The following TRIM54 variants were observed in gnomAD, a reference collection of about 807,000 sequenced individuals.
TRIM54 encodes tripartite motif containing 54, also known as tripartite motif-containing protein 54.
In TRIM54, 40 loss-of-function variants were observed where a neutral mutation model predicts 42.0. The observed-to-expected ratio is 0.95, with a 90% CI of 0.74 to 1.24. The LOEUF is 1.24. TRIM54 is among the 50% of genes most tolerant of loss of function. The probability of loss-of-function intolerance (pLI) is 0.00; values close to 1 mark genes in which losing one functional copy is unlikely to be tolerated. For synonymous variants in TRIM54, 199 were observed against 194.9 expected (o/e 1.02, Z -0.17); for missense variants, 485 against 480.3 (o/e 1.01, Z -0.09).
intron 1 of TRIM54, among the ~76,000 whole-genome samples, chr2:27,287,856 A>G (rs1409245112): frequency 1.3e-5 from 2 of 152,144 alleles, no homozygotes; most frequent in Non-Finnish European, 2.9e-5. Context: ...ATCTCTTGCA[A>G]TTCTAACGAT....
Position 27,298,628 on chromosome 2 carries a change from G to A in TRIM54, c.230G>A (p.Arg77His), listed in dbSNP as rs756247733. ...ACTGTGTCTTCAGGAGGCCGTTTCC[G>A]CTGCCCATCGTGCAGGCATGAGGTT... ...STTVSSGGRFRCPSCRHEVVL... is the reference protein window; with the variant it reads ...STTVSSGGRFHCPSCRHEVVL... Residue 77 changes from arginine to histidine, a missense_variant, in exon 2 of 9, where the codon CGC becomes CAC. Arg to His is a conservative substitution (Grantham distance 29, BLOSUM62 0). Transcript: ENST00000380075. The A allele has an allele frequency of 3.7e-6, 6 of 1,614,120 alleles. No individual in the cohort carries two copies. Among genetic ancestry groups the A allele is most frequent in the South Asian group, 2.2e-5 (2 of 91,076 alleles).
Position 27,305,761 on chromosome 2 carries a change from C to G in TRIM54, c.787C>G (p.Leu263Val). 1 of 1,611,392 alleles carries G rather than the reference C, an allele frequency of 6.2e-7. No homozygotes were observed. Among genetic ancestry groups the G allele is most frequent in the Non-Finnish European group, 8.5e-7 (1 of 1,178,850 alleles). ...CGACCACCTGGAGGCCTCCTCTAAG[C>G]TGGTGGAGTCTGCCATCCAGTCCAT... is the stretch of plus-strand genomic sequence containing the variant. ...YGDHLEASSKLVESAIQSMEE... is the reference protein window; with the variant it reads ...YGDHLEASSKVVESAIQSMEE... The change falls in exon 5 of 9, where the codon CTG becomes GTG. Residue 263 changes from leucine (L) to valine (V), a missense_variant. Coordinates refer to ENST00000380075, the MANE Select transcript of TRIM54 (RefSeq NM_187841.3).
chr2:27,292,056 C>G (rs955847030), intron 1 of TRIM54, among the ~76,000 whole-genome samples: 1 of 152,174 alleles, frequency 6.6e-6, no homozygotes, highest in Non-Finnish European at 1.5e-5. Flanking sequence ...GTTGGACTGC[C>G]TGAGTACTGA....
intron 1 of TRIM54, among the ~76,000 whole-genome samples, chr2:27,287,183 A>G (rs991356536): frequency 1.3e-5 from 2 of 152,168 alleles, no homozygotes; most frequent in Non-Finnish European, 2.9e-5. Flanking sequence ...TTACATAACT[A>G]TAAATGAAAA....
chr2:27,292,965 A>G (rs533575479), intron 1 of TRIM54, among the ~76,000 whole-genome samples: 1 of 152,048 alleles, frequency 6.6e-6, no homozygotes, highest in South Asian at 2.1e-4. Context: ...TTCTGTGTTG[A>G]TATTTACTTG....
At chr2:27,303,119 AG>A (rs1340392036) in intron 3 of TRIM54, among the ~76,000 whole-genome samples, 1 of 152,132 alleles carries the variant, frequency 6.6e-6, no homozygotes, top group Non-Finnish European at 1.5e-5. Context: ...CGAAGAGAAA[AG>A]GCGGAGCTGA....
chr2:27,282,556 G>T lies in TRIM54; in HGVS notation c.-176G>T. The T allele has an allele frequency of 1.6e-6, 1 of 607,762 alleles. No individual in the cohort carries two copies. Among genetic ancestry groups the T allele is most frequent in the Non-Finnish European group, 2.7e-6 (1 of 364,304 alleles). 37.6% of individuals were successfully genotyped at this position (607,762 alleles called of 1,614,324 possible). On this transcript the variant is annotated 5_prime_UTR_variant, in exon 1 of 9. Transcript: ENST00000380075. ...GGGTGCAGAGCAGAAAGTAGAGACT[G>T]TCCGAAGACTGCTATCTGGGACGAG...
chr2:27,298,513 C>A, intron 1 of TRIM54, 54 bp from the exon 2 acceptor site: 3 of 1,496,128 alleles, frequency 2.0e-6, no homozygotes, highest in South Asian at 2.3e-5. Context: ...CTGCCTCCTC[C>A]GAGTCCCTTC....
rs575083822 is a variant in TRIM54, at chr2:27,283,872, C to A, written c.168+973C>A. The stretch of plus-strand genomic sequence containing the variant: ...GAATATGGCCAGGTGCAGTGGCTCA[C>A]GCCTGTAATCCCAACACTTTGGGAA... On this transcript the variant is annotated intron_variant, in intron 1 of 8. Coordinates refer to ENST00000380075, the MANE Select transcript of TRIM54 (RefSeq NM_187841.3). Among the ~76,000 whole-genome samples, 25 of 152,168 alleles carry A rather than the reference C, an allele frequency of 1.6e-4. No individual in the cohort carries two copies. The East Asian group carries it at 4.8e-3, about 29-fold the overall frequency.
At chr2:27,303,603 A>G (rs1679100488) in intron 3 of TRIM54, among the ~76,000 whole-genome samples, 1 of 152,090 alleles carries the variant, frequency 6.6e-6, no homozygotes, top group South Asian at 2.1e-4. Flanking sequence ...CCTAGGAGCT[A>G]AAGCAGTAAA....
At position 27,298,470 on chromosome 2, in the gene TRIM54, G is replaced by A. The variant is rs901198706; in HGVS notation, c.169-97G>A. The A allele has an allele frequency of 5.5e-6, 5 of 909,086 alleles. No individual in the cohort carries two copies. In the African/African-American group the frequency reaches 8.3e-5, roughly 15 times the overall value. 56.3% of individuals were successfully genotyped at this position (909,086 alleles called of 1,614,324 possible). A position where few individuals can be genotyped will look rare whatever the true frequency, so the allele number is the denominator to read the frequency against. On this transcript the variant is annotated intron_variant, in intron 1 of 8. Transcript: ENST00000380075. ...GAGCTGACATCTTCCCCTCCATCAA[G>A]TTCCTACTCCCTAGCCCCCAAGCCC... is the stretch of plus-strand genomic sequence containing the variant.
chr2:27,298,622 G>C lies in TRIM54; in HGVS notation c.224G>C (p.Arg75Pro). Residue 75 changes from arginine (R) to proline (P), a missense_variant, in exon 2 of 9, where the codon CGT becomes CCT. Physicochemically the swap from Arg to Pro is moderately radical, Grantham distance 103. Transcript: ENST00000380075. ...TCCACCACTGTGTCTTCAGGAGGCCGTTTCCGCTGCCCATCGTGCAGGCAT... is the reference window on the plus strand; with the variant it reads ...TCCACCACTGTGTCTTCAGGAGGCCCTTTCCGCTGCCCATCGTGCAGGCAT... ...RGSTTVSSGG[R>P]FRCPSCRHEV... 1 of 1,614,162 alleles carries C rather than the reference G, an allele frequency of 6.2e-7. No homozygotes were observed. Among genetic ancestry groups the C allele is most frequent in the East Asian group, 2.2e-5 (1 of 44,878 alleles).
intron 3 of TRIM54, among the ~76,000 whole-genome samples, chr2:27,303,652 C>T (rs965093788): frequency 6.6e-6 from 1 of 151,984 alleles, no homozygotes; most frequent in African/African-American, 2.4e-5. Context: ...AATGCAAATA[C>T]TGCCTAGAGG....
At chr2:27,304,271 TATATATAG>T (rs1344164551) in intron 3 of TRIM54, among the ~76,000 whole-genome samples, 3 of 142,980 alleles carry the variant, frequency 2.1e-5, no homozygotes, top group African/African-American at 7.9e-5. Context: ...GATATATATA[TATATATAG>T]ATAGATAGAT....
chr2:27,286,305 T>C (rs1474974478), intron 1 of TRIM54, among the ~76,000 whole-genome samples: 2 of 152,096 alleles, frequency 1.3e-5, no homozygotes, highest in African/African-American at 4.8e-5. Flanking sequence ...TTCAAGCCCA[T>C]GTCCGCAAAC....
At chr2:27,289,860 CTTT>C (rs756771152) in intron 1 of TRIM54, among the ~76,000 whole-genome samples, 1 of 100,606 alleles carries the variant, frequency 9.9e-6, no homozygotes, top group Non-Finnish European at 2.0e-5. Flanking sequence ...CTCTCTTTCT[CTTT>C]TTTTTTTTTT....
chr2:27,299,971 C>A lies in TRIM54; in HGVS notation c.513+555C>A, dbSNP rs575562848. Among the ~76,000 whole-genome samples, 9 of 151,264 alleles carry A rather than the reference C, an allele frequency of 5.9e-5. No homozygotes were observed. In the South Asian group the frequency reaches 6.3e-4, roughly 11 times the overall value. ...TACAGGTGTGAGCCACTGCGCCCAGCTCCATTTATTTATTTTTTAAGAGAT... is the reference window on the plus strand; with the variant it reads ...TACAGGTGTGAGCCACTGCGCCCAGATCCATTTATTTATTTTTTAAGAGAT... On this transcript the variant is annotated intron_variant, in intron 3 of 8. Coordinates refer to ENST00000380075, the MANE Select transcript of TRIM54 (RefSeq NM_187841.3).
chr2:27,298,407 C>T (rs1263106639), intron 1 of TRIM54, among the ~76,000 whole-genome samples, 160 bp from the exon 2 acceptor site: 2 of 152,166 alleles, frequency 1.3e-5, no homozygotes, highest in African/African-American at 2.4e-5. Context: ...GGCCGTCCAC[C>T]GTGCGCTGCT....
At chr2:27,296,208 AT>A (rs1361166635) in intron 1 of TRIM54, among the ~76,000 whole-genome samples, 1 of 152,218 alleles carries the variant, frequency 6.6e-6, no homozygotes, top group Non-Finnish European at 1.5e-5. Context: ...TCTGTGCATG[AT>A]GGGGTGTTGC....
Sources: allele counts gnomAD v4.1 joint callset (sites outside exome capture counted in the v4.1 genomes callset), GRCh38; gene constraint gnomAD v4.1.1; transcripts MANE v1.5; gene names NCBI Gene and HGNC (gene_info 2026-07-23, HGNC 2026-07-21).